Variants in TOP3A observed in about 807,000 individuals in gnomAD.
TOP3A encodes DNA topoisomerase III alpha.
TOP3A carries 64 observed loss-of-function variants against 111.3 expected under a neutral mutation model. That is an observed-to-expected ratio of 0.57 (90% CI 0.47 to 0.71). The LOEUF is 0.71. Among genes scored for constraint, TOP3A ranks in the 30% least tolerant of loss-of-function variants. The pLI, the probability that TOP3A is intolerant of heterozygous loss-of-function variation, is 0.00. For missense variants in TOP3A, 1,104 were observed against 1,285.0 expected, an observed-to-expected ratio of 0.86 and a Z score of 2.15; for synonymous variants, 484 against 485.1, an observed-to-expected ratio of 1.00 and a Z score of 0.03.
At chr17:18,295,451 ACT>A (rs1433457009) in intron 9 of TOP3A, among the ~76,000 whole-genome samples, 2 of 148,596 alleles carry the variant, frequency 1.3e-5, no homozygotes, top group African/African-American at 2.5e-5. Context: ...TCTGGCCAAA[ACT>A]CTGCATTTTA....
intron 9 of TOP3A, among the ~76,000 whole-genome samples, chr17:18,295,397 C>T (rs963095334): frequency 1.3e-4 from 20 of 152,104 alleles, no homozygotes; most frequent in African/African-American, 4.8e-4. Flanking sequence ...ATCTGCCCGC[C>T]TCGGCCTCCC....
At chr17:18,288,004 AAAC>A (rs1980214379) in intron 13 of TOP3A, among the ~76,000 whole-genome samples, 2 of 151,868 alleles carry the variant, frequency 1.3e-5, no homozygotes, top group African/African-American at 2.4e-5. Flanking sequence ...CATCTCAAAC[AAAC>A]AACAAAAAAA....
chr17:18,299,610 C>T lies in TOP3A; in HGVS notation c.939G>A (p.Glu313=). ...CVEDPMATVV[E]VRSKPKSKWR... Reference sequence around the variant, plus strand: ...ACTTGCTCTTGGGCTTAGATCTGACCTCTACCACAGTTGCCATGGGATCCT... The same window carrying T: ...ACTTGCTCTTGGGCTTAGATCTGACTTCTACCACAGTTGCCATGGGATCCT... Residue 313 remains glutamate, a synonymous_variant, in exon 9 of 19, where the codon GAG becomes GAA. Transcript: ENST00000321105. The T allele has an allele frequency of 6.2e-7, 1 of 1,614,126 alleles. No individual in the cohort carries two copies.
chr17:18,278,300 A>G lies in TOP3A; in HGVS notation c.2202T>C (p.Val734=), dbSNP rs1247235175. 2 of 1,523,748 alleles carry G rather than the reference A, an allele frequency of 1.3e-6. No homozygotes were observed. The highest frequency in any genetic ancestry group is 2.3e-5 in the East Asian group (1 of 44,000). 94.4% of individuals were successfully genotyped at this position (1,523,748 alleles called of 1,614,324 possible). A position where few individuals can be genotyped will look rare whatever the true frequency, so the allele number is the denominator to read the frequency against. ...TGTCGTCGCATCCGCCGATGCAGCA[A>G]ACAAACTCCAGAGGCATGGTCGGGG... ...SLPPTMPLEF[V]CCIGGCDDTL... is the part of the protein sequence containing the mutation. Residue 734 remains valine, a synonymous_variant, in exon 18 of 19, where the codon GTT becomes GTC. Transcript: ENST00000321105.
chr17:18,304,968 G>T, intron 5 of TOP3A, 144 bp downstream of exon 5: 1 of 718,670 alleles, frequency 1.4e-6, no homozygotes, highest in African/African-American at 1.7e-5. Context: ...TTTGCTCCAG[G>T]ACACATGGCT....
chr17:18,285,291 G>A lies in TOP3A; in HGVS notation c.1728C>T (p.Gly576=). ...GGAGGTCAGGCTTAGACATTTCATA[G>A]CCCATGGAATCATAACCTGCAGGGA... The part of the protein sequence containing the change: ...MGLVEGYDSM[G]YEMSKPDLRA... The change falls in exon 15 of 19, where the codon GGC becomes GGT. Residue 576 remains glycine, a synonymous_variant. Transcript: ENST00000321105. 2 of 1,614,132 alleles carry A rather than the reference G, an allele frequency of 1.2e-6. No individual in the cohort carries two copies. Among genetic ancestry groups the A allele is most frequent in the South Asian group, 1.1e-5 (1 of 91,078 alleles).
intron 18 of TOP3A, among the ~76,000 whole-genome samples, chr17:18,275,387 C>G (rs1979286741): frequency 1.6e-5 from 2 of 125,706 alleles, no homozygotes; most frequent in Non-Finnish European, 3.2e-5. Flanking sequence ...AGTCTTCGCT[C>G]TGTCACCCAG....
intron 9 of TOP3A, among the ~76,000 whole-genome samples, chr17:18,298,358 GCCGCCC>G: frequency 6.7e-6 from 1 of 148,328 alleles, no homozygotes; most frequent in African/African-American, 2.6e-5. Flanking sequence ...CGCCCGGCCA[GCCGCCC>G]CATCCGGGAG....
intron 9 of TOP3A, among the ~76,000 whole-genome samples, chr17:18,298,925 G>GC (rs1264060415): frequency 1.3e-5 from 2 of 151,218 alleles, no homozygotes; most frequent in African/African-American, 2.4e-5. Context: ...GCGGAAGGCC[G>GC]CAGGGTCCTC....
At chr17:18,305,682 C>T (rs2142988531) in intron 4 of TOP3A, among the ~76,000 whole-genome samples, 1 of 151,766 alleles carries the variant, frequency 6.6e-6, no homozygotes, top group Non-Finnish European at 1.5e-5. Flanking sequence ...ACTAAAAATA[C>T]AAAAAATTAG....
At chr17:18,285,010 C>G in intron 15 of TOP3A, 132 bp downstream of exon 15, 1 of 1,055,188 alleles carries the variant, frequency 9.5e-7, no homozygotes, top group Non-Finnish European at 1.4e-6. Flanking sequence ...CTGACTGGCC[C>G]AGATGCGGTG....
chr17:18,277,551 G>T, intron 18 of TOP3A, 124 bp downstream of exon 18: 1 of 1,079,672 alleles, frequency 9.3e-7, no homozygotes, highest in Non-Finnish European at 1.3e-6. Flanking sequence ...GAGGTGCAAG[G>T]CAGCCCAGGT....
At position 18,290,642 on chromosome 17, in the gene TOP3A, G is replaced by A. The variant is rs1402318386; in HGVS notation, c.1512C>T (p.Thr504=). The change falls in exon 13 of 19, where the codon ACC becomes ACT. Residue 504 remains threonine, a synonymous_variant. Coordinates refer to ENST00000321105, the MANE Select transcript of TOP3A (RefSeq NM_004618.5). ...YEQGSHFQPS[T]VEMVDGETSP... The stretch of plus-strand genomic sequence containing the variant: ...TGGTCTCCCCGTCCACCATCTCCAC[G>A]GTGCTGGGCTGAAAGTGGGATCCTT... The A allele has an allele frequency of 6.8e-6, 11 of 1,610,192 alleles. No homozygotes were observed. In the African/African-American group the frequency reaches 9.4e-5, roughly 14 times the overall value.
At chr17:18,282,957 G>C in intron 15 of TOP3A, 116 bp from the exon 16 acceptor site, 1 of 1,344,068 alleles carries the variant, frequency 7.4e-7, no homozygotes, top group East Asian at 2.3e-5. Context: ...TCAGTGAGCC[G>C]CAGGCCTCCT....
At chr17:18,303,433 G>T (rs192579260) in intron 5 of TOP3A, among the ~76,000 whole-genome samples, 33 of 152,264 alleles carry the variant, frequency 2.2e-4, no homozygotes, top group African/African-American at 7.2e-4. Context: ...CTATGCGGTT[G>T]AGATAAGAAG....
At chr17:18,296,205 T>C (rs1219817456) in intron 9 of TOP3A, among the ~76,000 whole-genome samples, 1 of 152,132 alleles carries the variant, frequency 6.6e-6, no homozygotes, top group Non-Finnish European at 1.5e-5. Context: ...TTTCCCTAGG[T>C]GACAAGCTAA....
intron 14 of TOP3A, 23 bp from the exon 15 acceptor site, chr17:18,285,330 A>G (rs1447389894): frequency 6.2e-7 from 1 of 1,613,716 alleles, no homozygotes; most frequent in Non-Finnish European, 8.5e-7. Flanking sequence ...AGTCGAGCTC[A>G]GTGAGGGCCC....
In TOP3A at chr17:18,304,968, G is replaced by C; in HGVS notation, c.499+144C>G. 4.2e-6 allele frequency: 3 copies of C among 718,670 alleles called. No homozygotes were observed. In the South Asian group the frequency reaches 4.5e-5, roughly 11 times the overall value. 44.5% of individuals were successfully genotyped at this position (718,670 alleles called of 1,614,324 possible). A position where few individuals can be genotyped will look rare whatever the true frequency, so the allele number is the denominator to read the frequency against. ...CCAATGGCTCAGTGATTTGCTCCAG[G>C]ACACATGGCTGGTGGGACTCACAGA... On this transcript the variant is annotated intron_variant, in intron 5 of 18. Coordinates refer to ENST00000321105, the MANE Select transcript of TOP3A (RefSeq NM_004618.5).
In TOP3A at chr17:18,274,621, C is replaced by T; in HGVS notation, c.*181G>A. 4.8e-6 allele frequency: 5 copies of T among 1,047,424 alleles called. No individual in the cohort carries two copies. The highest frequency in any genetic ancestry group is 6.6e-6 in the Non-Finnish European group (5 of 756,542). 64.9% of individuals were successfully genotyped at this position (1,047,424 alleles called of 1,614,324 possible). A position where few individuals can be genotyped will look rare whatever the true frequency, so the allele number is the denominator to read the frequency against. Reference sequence around the variant, plus strand: ...GGAAGAGGGTCACTGTCCAGCAGAGCTGGCCTGCTCCAGAGTGATCTGGAC... The same window carrying T: ...GGAAGAGGGTCACTGTCCAGCAGAGTTGGCCTGCTCCAGAGTGATCTGGAC... On this transcript the variant is annotated 3_prime_UTR_variant, in exon 19 of 19. Coordinates refer to ENST00000321105, the MANE Select transcript of TOP3A (RefSeq NM_004618.5).
Sources: gnomAD v4.1 joint callset for allele counts (sites outside exome capture counted in the v4.1 genomes callset) on GRCh38, gnomAD v4.1.1 for gene constraint, MANE v1.5 for transcripts, NCBI Gene and HGNC (gene_info 2026-07-23, HGNC 2026-07-21) for gene names.